The following DCHS1 variants were observed in gnomAD, a reference collection of about 807,000 sequenced individuals.
DCHS1 encodes protocadherin-16.
In DCHS1, 78 loss-of-function variants were observed where a neutral mutation model predicts 213.9. The observed-to-expected ratio is 0.36, with a 90% CI of 0.30 to 0.44. The LOEUF is 0.44. Among genes scored for constraint, DCHS1 ranks in the 20% least tolerant of loss-of-function variants. The pLI is 1.00. For missense variants in DCHS1, 3,946 were observed against 4,395.9 expected (o/e 0.90, Z 2.89); for synonymous variants, 1,828 against 1,873.7 (o/e 0.98, Z 0.63).
At chr11:6,642,576 A>T (rs941723601) in intron 1 of DCHS1, among the ~76,000 whole-genome samples, 3 of 121,558 alleles carry the variant, frequency 2.5e-5, no homozygotes, top group Non-Finnish European at 4.8e-5. Context: ...AGTGAACAGT[A>T]TGTGGAAAGG....
intron 2 of DCHS1, chr11:6,635,166 A>C (rs534716937): frequency 6.6e-5 from 10 of 152,320 alleles, no homozygotes; most frequent in African/African-American, 2.4e-4. Flanking sequence ...TTTGATTATT[A>C]CAGAGTGGGA....
rs145428611 is a variant in DCHS1 at position 6,629,218 on chromosome 11, A to G, written c.5161+234T>C. On this transcript the variant is annotated intron_variant, in intron 12 of 20. Coordinates refer to ENST00000299441, the MANE Select transcript of DCHS1 (RefSeq NM_003737.4). ...TATCTGAGGGAGGCCTGGAGGGCAT[A>G]GCTGTGACATTATGCATTTTAGAAT... 6.6e-3 allele frequency among the ~76,000 whole-genome samples: 1,008 copies of G among 152,340 alleles called. 10 individuals carry two copies. Among genetic ancestry groups the G allele is most frequent in the African/African-American group, 0.022 (923 of 41,568 alleles).
intron 2 of DCHS1, among the ~76,000 whole-genome samples, chr11:6,634,695 T>A (rs1459973349): frequency 1.3e-5 from 2 of 152,092 alleles, no homozygotes; most frequent in Non-Finnish European, 2.9e-5. Flanking sequence ...CTTCTTGTAC[T>A]GAGGAACATT....
At chr11:6,654,612 G>T (rs1325733936) in intron 1 of DCHS1, among the ~76,000 whole-genome samples, 1 of 152,090 alleles carries the variant, frequency 6.6e-6, no homozygotes, top group Non-Finnish European at 1.5e-5. Flanking sequence ...CTGTAGGTGT[G>T]TGTTGGTTCT....
rs1360478619 is a variant in DCHS1, at chr11:6,628,488, A to G, written c.5371+133T>C. 3.2e-6 allele frequency: 3 copies of G among 927,752 alleles called. No homozygotes were observed. The highest frequency in any genetic ancestry group is 5.2e-5 in the East Asian group (2 of 38,488). 57.5% of individuals were successfully genotyped at this position (927,752 alleles called of 1,614,324 possible). On this transcript the variant is annotated intron_variant, in intron 13 of 20. Transcript: ENST00000299441. This position sits in a 1 kb window ranked among gnomAD's most constrained non-coding sequence, Gnocchi z 4.3. Reference sequence around the variant, plus strand: ...ATACCTAGCTACACTGGGTATAAGCATGAAAGAAAAGGTGGACGACATCAA... The same window carrying G: ...ATACCTAGCTACACTGGGTATAAGCGTGAAAGAAAAGGTGGACGACATCAA...
At chr11:6,624,683 A>G in intron 20 of DCHS1, 47 bp downstream of exon 20, 1 of 1,611,996 alleles carries the variant, frequency 6.2e-7, no homozygotes, top group Middle Eastern at 1.7e-4. Context: ...GTCAGATTAC[A>G]GCCCAACACA....
chr11:6,639,499 T>C (rs912082638), intron 2 of DCHS1, among the ~76,000 whole-genome samples: 1 of 152,186 alleles, frequency 6.6e-6, no homozygotes, highest in Non-Finnish European at 1.5e-5. Flanking sequence ...CACATACGTA[T>C]GTAGAATCTC....
chr11:6,625,980 G>C lies in DCHS1; in HGVS notation c.6671C>G (p.Pro2224Arg). The stretch of plus-strand genomic sequence containing the variant: ...TGTGGTAGTGATAGTGCCTGTGGTT[G>C]GGTCTACGTGGAACAATCCACGTGC... ...QPARGLFHVD[P>R]TTGTITTTAI... Residue 2224 changes from proline to arginine, a missense_variant, in exon 17 of 21, where the codon CCA becomes CGA. Pro to Arg is a moderately radical substitution (Grantham distance 103). Coordinates refer to ENST00000299441, the MANE Select transcript of DCHS1 (RefSeq NM_003737.4). The surrounding 1 kb of genome is among the most constrained non-coding windows in gnomAD (Gnocchi z 5.3). The C allele has an allele frequency of 6.2e-7, 1 of 1,613,504 alleles. No individual in the cohort carries two copies. The highest frequency in any genetic ancestry group is 1.1e-5 in the South Asian group (1 of 90,918).
Position 6,626,382 on chromosome 11 carries a change from T to C in DCHS1, c.6365-2A>G. 2 of 1,612,944 alleles carry C rather than the reference T, an allele frequency of 1.2e-6. No homozygotes were observed. The highest frequency in any genetic ancestry group is 1.7e-6 in the Non-Finnish European group (2 of 1,179,414). ...CTGCTGAGCGAACTGTGATGGCACC[T>C]GGGCGAGATAGAATGCATCAGTGAT... On this transcript the variant is annotated splice_acceptor_variant, in intron 15 of 20. Transcript: ENST00000299441. LOFTEE classifies it high-confidence loss of function. This position sits in a 1 kb window ranked among gnomAD's most constrained non-coding sequence, Gnocchi z 5.2.
At position 6,640,097 on chromosome 11, in the gene DCHS1, C is replaced by T. The variant is rs770588802; in HGVS notation, c.1517G>A (p.Gly506Asp). 1 of 1,613,750 alleles carries T rather than the reference C, an allele frequency of 6.2e-7. No homozygotes were observed. The highest frequency in any genetic ancestry group is 2.2e-5 in the East Asian group (1 of 44,880). The change falls in exon 2 of 21, where the codon GGT becomes GAT. Residue 506 changes from glycine (G) to aspartate (D), a missense_variant. Gly to Asp is a moderately conservative substitution (Grantham distance 94). Transcript: ENST00000299441. This position sits in a 1 kb window ranked among gnomAD's most constrained non-coding sequence, Gnocchi z 6.5. ...AGGGGCTAGGCTATAAGTGACCTGA[C>T]CATTGGTGCCTTGGTCAGGATCCCG... The part of the protein sequence containing the change: ...TARDPDQGTN[G>D]QVTYSLAPGA...
In DCHS1 at chr11:6,641,531, A is replaced by G; in HGVS notation, c.83T>C (p.Leu28Pro). ...RPHLLLPLLL[L>P]LLLLLGAGVP... is the part of the protein sequence containing the mutation. The stretch of plus-strand genomic sequence containing the variant: ...CCCAGCCCCCAGCAGCAGCAGCAGC[A>G]GCAGCAGCAATGGTAGCAGGAGGTG... Residue 28 changes from leucine (L) to proline (P), a missense_variant, in exon 2 of 21, where the codon CTG becomes CCG. Around this residue, in one of 3 missense-constraint regions of DCHS1, gnomAD observed 3,384 missense variants for 3,780.1 expected, o/e 0.90. Coordinates refer to ENST00000299441, the MANE Select transcript of DCHS1 (RefSeq NM_003737.4). This position sits in a 1 kb window ranked among gnomAD's most constrained non-coding sequence, Gnocchi z 7.1. 1 of 1,553,954 alleles carries G rather than the reference A, an allele frequency of 6.4e-7. No homozygotes were observed. The highest frequency in any genetic ancestry group is 8.7e-7 in the Non-Finnish European group (1 of 1,149,036).
chr11:6,629,594 T>C lies in DCHS1; in HGVS notation c.5036-17A>G, dbSNP rs140393153. On this transcript the variant is annotated splice_polypyrimidine_tract_variant and intron_variant, in intron 11 of 20. Coordinates refer to ENST00000299441, the MANE Select transcript of DCHS1 (RefSeq NM_003737.4). ...CGTTGGCCCCTGAGGAGGGGCAGCA[T>C]GGAGGGCGATCAGAGGGTAAAAATG... The C allele has an allele frequency of 3.7e-6, 6 of 1,613,560 alleles. No homozygotes were observed. In the East Asian group the frequency reaches 8.9e-5, roughly 24 times the overall value.
intron 1 of DCHS1, among the ~76,000 whole-genome samples, chr11:6,653,074 T>C (rs1221958992): frequency 1.3e-5 from 2 of 152,166 alleles, no homozygotes; most frequent in African/African-American, 4.8e-5. Context: ...GACTCTCCAT[T>C]ATTCTTGGGT....
intron 1 of DCHS1, among the ~76,000 whole-genome samples, chr11:6,645,443 T>C (rs1856141270): frequency 6.6e-6 from 1 of 152,106 alleles, no homozygotes; most frequent in South Asian, 2.1e-4. Context: ...GGAGGGAAGA[T>C]AATAGTGAGG....
rs1305238405 is a variant in DCHS1 at position 6,622,368 on chromosome 11, C to T, written c.9308G>A (p.Gly3103Glu). Residue 3103 changes from glycine to glutamate, a missense_variant, in exon 21 of 21, where the codon GGA (glycine) becomes GAA (glutamate). Physicochemically the swap from Gly to Glu is moderately conservative, Grantham distance 98. Around this residue, in one of 3 missense-constraint regions of DCHS1, gnomAD observed 554 missense variants for 590.2 expected, o/e 0.94. Transcript: ENST00000299441. This position sits in a 1 kb window ranked among gnomAD's most constrained non-coding sequence, Gnocchi z 5.4. ...CCCCTCCTCTCTGTAGAGAGTGGCTCCTGCACCTGGCAGCAGCAGCCCTGC... is the reference window on the plus strand; with the variant it reads ...CCCCTCCTCTCTGTAGAGAGTGGCTTCTGCACCTGGCAGCAGCAGCCCTGC... ...RKAGLLLPGAGATLYREEGPP... is the reference protein window; with the variant it reads ...RKAGLLLPGAEATLYREEGPP... 2 of 1,574,368 alleles carry T rather than the reference C, an allele frequency of 1.3e-6. No homozygotes were observed. The highest frequency in any genetic ancestry group is 2.3e-5 in the South Asian group (2 of 86,164).
Position 6,629,807 on chromosome 11 carries a change from C to A in DCHS1, c.4900G>T (p.Val1634Phe). ...HGSPPRSATQ[V>F]LTVSVADVND... ...ACGTCAGCGACACTGACGGTCAGGA[C>A]CTGCGTGGCCGAGCGCGGCGGGGAG... is the stretch of plus-strand genomic sequence containing the variant. The change falls in exon 11 of 21, where the codon GTC (valine) becomes TTC (phenylalanine). Residue 1634 changes from valine to phenylalanine, a missense_variant. By Grantham distance (50) the Val-to-Phe change is conservative. Around this residue, in one of 3 missense-constraint regions of DCHS1, gnomAD observed 3,384 missense variants for 3,780.1 expected, o/e 0.90. Transcript: ENST00000299441. 1 of 1,613,422 alleles carries A rather than the reference C, an allele frequency of 6.2e-7. No individual in the cohort carries two copies. The highest frequency in any genetic ancestry group is 1.1e-5 in the South Asian group (1 of 91,088).
rs201519860 is a variant in DCHS1, at chr11:6,622,779, C to T, written c.8897G>A (p.Arg2966His). Residue 2966 changes from arginine (R) to histidine (H), a missense_variant, in exon 21 of 21, where the codon CGC (arginine) becomes CAC (histidine). Physicochemically the swap from Arg to His is conservative, Grantham distance 29. Around this residue, in one of 3 missense-constraint regions of DCHS1, gnomAD observed 554 missense variants for 590.2 expected, o/e 0.94. Coordinates refer to ENST00000299441, the MANE Select transcript of DCHS1 (RefSeq NM_003737.4). The surrounding 1 kb of genome is among the most constrained non-coding windows in gnomAD (Gnocchi z 5.4). ...TGGGCCAGGGGCTGCCTCAGCCTTG[C>T]GGCTACGGGCCCGAACAAGTCCTAG... ...LVLGLVRARS[R>H]KAEAAPGPMS... The T allele has an allele frequency of 1.7e-4, 263 of 1,591,788 alleles. 2 individuals carry two copies. In the East Asian group the frequency reaches 1.9e-3, roughly 12 times the overall value.
rs1257140488 is a variant in DCHS1, at chr11:6,627,618, A to C, written c.5421T>G (p.Phe1807Leu). 1 of 1,613,226 alleles carries C rather than the reference A, an allele frequency of 6.2e-7. No homozygotes were observed. The highest frequency in any genetic ancestry group is 1.3e-5 in the African/African-American group (1 of 74,928). The change falls in exon 14 of 21, where the codon TTT (phenylalanine) becomes TTG (leucine). Residue 1807 changes from phenylalanine (F) to leucine (L), a missense_variant. Around this residue, in one of 3 missense-constraint regions of DCHS1, gnomAD observed 3,384 missense variants for 3,780.1 expected, o/e 0.90. Transcript: ENST00000299441. This position sits in a 1 kb window ranked among gnomAD's most constrained non-coding sequence, Gnocchi z 5.4. ...AFVLDLASGEFGTMRPLDREV... is the reference protein window; with the variant it reads ...AFVLDLASGELGTMRPLDREV... ...CTCTGTCTAGTGGCCGCATGGTGCC[A>C]AACTCTCCAGAAGCAAGGTCTAGGA...
Position 6,623,064 on chromosome 11 carries a change from C to T in DCHS1, c.8612G>A (p.Arg2871Gln), listed in dbSNP as rs148710242. 1.3e-5 allele frequency: 20 copies of T among 1,585,178 alleles called. No individual in the cohort carries two copies. Among genetic ancestry groups the T allele is most frequent in the Non-Finnish European group, 1.6e-5 (19 of 1,165,892 alleles). ...GCTGCCTGGTGCCCGACTGTCCACCCGCAGGTACAGGGCTCCTGTAGTCTG... is the reference window on the plus strand; with the variant it reads ...GCTGCCTGGTGCCCGACTGTCCACCTGCAGGTACAGGGCTCCTGTAGTCTG... Reference protein sequence around the residue: ...INQTTGALYLRVDSRAPGSGT... With the variant: ...INQTTGALYLQVDSRAPGSGT... The change falls in exon 21 of 21, where the codon CGG becomes CAG. Residue 2871 changes from arginine to glutamine, a missense_variant. Arg to Gln is a conservative substitution (Grantham distance 43, BLOSUM62 1). Transcript: ENST00000299441.
Sources: allele counts gnomAD v4.1 joint callset (sites outside exome capture counted in the v4.1 genomes callset), GRCh38; gene constraint gnomAD v4.1.1; regional missense constraint gnomAD v4.1.1; non-coding constraint Gnocchi (gnomAD v3.1); transcripts MANE v1.5; gene names NCBI Gene and HGNC (gene_info 2026-07-23, HGNC 2026-07-21).